SMYD3: variants seen among roughly 807,000 people sequenced by gnomAD.
The protein encoded by SMYD3 is histone-lysine N-methyltransferase SMYD3.
In SMYD3, 36 loss-of-function variants were observed where a neutral mutation model predicts 57.7. The ratio of observed to expected loss-of-function variants is 0.62; its 90% CI spans 0.48 to 0.82. The LOEUF is 0.82. Ranked by LOEUF, SMYD3 falls within the 40% of genes least tolerant of loss-of-function variation. The pLI is 0.00. For missense variants in SMYD3, 515 were observed against 538.8 expected, an observed-to-expected ratio of 0.96 and a Z score of 0.44; for synonymous variants, 211 against 195.0, an observed-to-expected ratio of 1.08 and a Z score of -0.68.
At chr1:246,140,553 T>G (rs1018569608) in intron 5 of SMYD3, among the ~76,000 whole-genome samples, 1 of 152,136 alleles carries the variant, frequency 6.6e-6, no homozygotes, top group African/African-American at 2.4e-5. Flanking sequence ...CCTATTAAAG[T>G]TTATACTTTA....
chr1:245,972,885 C>G (rs1469444355), intron 5 of SMYD3, among the ~76,000 whole-genome samples: 1 of 152,262 alleles, frequency 6.6e-6, no homozygotes, highest in Non-Finnish European at 1.5e-5. Context: ...TGTCTATCTC[C>G]TTTGAAGCTA....
chr1:246,114,823 G>A (rs532283083), intron 5 of SMYD3, among the ~76,000 whole-genome samples: 2 of 152,242 alleles, frequency 1.3e-5, no homozygotes, highest in South Asian at 2.1e-4. Flanking sequence ...GTAGAGACGG[G>A]GTTTCACCAT....
chr1:245,866,294 C>T (rs964985805), intron 8 of SMYD3, among the ~76,000 whole-genome samples: 1 of 150,572 alleles, frequency 6.6e-6, no homozygotes, highest in Non-Finnish European at 1.5e-5. Flanking sequence ...CTTTGTGGGC[C>T]TCTATGTGTA....
chr1:246,220,509 C>A (rs2063236887), intron 5 of SMYD3, among the ~76,000 whole-genome samples: 1 of 151,944 alleles, frequency 6.6e-6, no homozygotes. Flanking sequence ...AGGAAGGCCC[C>A]TGACTGCACT....
At chr1:245,915,310 A>G (rs989229202) in intron 8 of SMYD3, among the ~76,000 whole-genome samples, 9 of 152,180 alleles carry the variant, frequency 5.9e-5, no homozygotes, top group African/African-American at 2.2e-4. Flanking sequence ...TAAACTCCAC[A>G]GATCCTTACC....
chr1:245,913,286 C>G (rs1290188208), intron 8 of SMYD3, among the ~76,000 whole-genome samples: 1 of 150,512 alleles, frequency 6.6e-6, no homozygotes, highest in Non-Finnish European at 1.5e-5. Context: ...ACCACATGTT[C>G]TCACTCATAG....
At chr1:245,764,685 G>A (rs538673304) in intron 10 of SMYD3, among the ~76,000 whole-genome samples, 4 of 151,880 alleles carry the variant, frequency 2.6e-5, no homozygotes, top group East Asian at 1.9e-4. Flanking sequence ...TTATGAGCAC[G>A]TGTGTATTTA....
chr1:246,234,585 T>C (rs202239077), intron 5 of SMYD3, among the ~76,000 whole-genome samples: 14 of 84,566 alleles, frequency 1.7e-4, no homozygotes, highest in East Asian at 1.9e-3. Flanking sequence ...ATATACCGTA[T>C]AGGGGAGAAG....
intron 10 of SMYD3, among the ~76,000 whole-genome samples, chr1:245,827,404 C>T (rs1055342642): frequency 5.3e-5 from 8 of 152,176 alleles, no homozygotes; most frequent in Admixed American, 2.6e-4. Context: ...CTCGAACTCA[C>T]GATGCCTGGC....
intron 5 of SMYD3, among the ~76,000 whole-genome samples, chr1:246,290,703 A>G (rs2064672824): frequency 6.6e-6 from 1 of 152,188 alleles, no homozygotes; most frequent in Non-Finnish European, 1.5e-5. Flanking sequence ...AATGAACTGA[A>G]AAACCCTATA....
intron 10 of SMYD3, among the ~76,000 whole-genome samples, chr1:245,823,999 T>A (rs1266040822): frequency 2.0e-5 from 3 of 152,166 alleles, no homozygotes; most frequent in Non-Finnish European, 2.9e-5. Flanking sequence ...TCTGGACTCT[T>A]AAGGACCCAA....
chr1:246,499,024 G>A (rs2068414824), intron 1 of SMYD3, among the ~76,000 whole-genome samples: 1 of 151,742 alleles, frequency 6.6e-6, no homozygotes, highest in Non-Finnish European at 1.5e-5. Context: ...TGAGCTCCTG[G>A]CCTCAAATGA....
chr1:246,248,339 C>CA (rs200231581), intron 5 of SMYD3, among the ~76,000 whole-genome samples: 2 of 142,534 alleles, frequency 1.4e-5, no homozygotes, highest in Admixed American at 1.5e-4. Context: ...CACTCATTTT[C>CA]GGATTTTGAA....
At chr1:246,360,838 T>C (rs1385118078) in intron 1 of SMYD3, among the ~76,000 whole-genome samples, 2 of 152,176 alleles carry the variant, frequency 1.3e-5, no homozygotes, top group African/African-American at 4.8e-5. Flanking sequence ...CCTGAAACCA[T>C]AAAAATTCTA....
At chr1:245,934,410 A>C (rs1261640049) in intron 5 of SMYD3, among the ~76,000 whole-genome samples, 1 of 151,762 alleles carries the variant, frequency 6.6e-6, no homozygotes, top group African/African-American at 2.4e-5. Context: ...CTCTACCCAC[A>C]GAATATGACA....
chr1:246,099,318 C>G (rs928374222), intron 5 of SMYD3, among the ~76,000 whole-genome samples: 1 of 152,114 alleles, frequency 6.6e-6, no homozygotes, highest in African/African-American at 2.4e-5. Context: ...TTCTCTGTGG[C>G]AACAAACTGA....
chr1:246,032,112 A>G (rs2059688140), intron 5 of SMYD3, among the ~76,000 whole-genome samples: 1 of 152,236 alleles, frequency 6.6e-6, no homozygotes. Context: ...CAAGAACTCC[A>G]TAAAAGGCAT....
chr1:246,310,597 T>C (rs1459826575), intron 5 of SMYD3, among the ~76,000 whole-genome samples: 1 of 150,924 alleles, frequency 6.6e-6, no homozygotes, highest in Non-Finnish European at 1.5e-5. Context: ...GAAGAAACTG[T>C]ACGAGCAAAG....
intron 5 of SMYD3, among the ~76,000 whole-genome samples, chr1:246,150,018 C>T (rs1006953271): frequency 4.6e-5 from 7 of 152,162 alleles, no homozygotes; most frequent in Admixed American, 6.5e-5. Flanking sequence ...CTTTTGCATC[C>T]GCAGCTATAG....
Sources: allele counts gnomAD v4.1 joint callset (sites outside exome capture counted in the v4.1 genomes callset), GRCh38; gene constraint gnomAD v4.1.1; transcripts MANE v1.5; gene names NCBI Gene and HGNC (gene_info 2026-07-23, HGNC 2026-07-21).